The following OSBPL3 variants were observed in gnomAD, a reference collection of about 807,000 sequenced individuals.
OSBPL3 encodes oxysterol binding protein like 3.
OSBPL3 carries 65 observed loss-of-function variants against 120.1 expected under a neutral mutation model. The observed-to-expected ratio is 0.54, with a 90% CI of 0.44 to 0.67. OSBPL3 has a LOEUF of 0.67. Ranked by LOEUF, OSBPL3 falls within the 30% of genes least tolerant of loss-of-function variation. The probability of loss-of-function intolerance (pLI) is 0.00; values close to 1 mark genes in which losing one functional copy is unlikely to be tolerated. For missense variants in OSBPL3, 1,004 were observed against 1,082.1 expected (o/e 0.93, Z 1.01); for synonymous variants, 416 against 402.6 (o/e 1.03, Z -0.40).
chr7:24,865,136 C>A (rs1459714201), intron 7 of OSBPL3, among the ~76,000 whole-genome samples: 2 of 152,162 alleles, frequency 1.3e-5, no homozygotes, highest in Non-Finnish European at 2.9e-5. Flanking sequence ...GAAGAAGAAA[C>A]CTGTCTGCAT....
Position 24,830,918 on chromosome 7 carries a change from GA to G in OSBPL3, c.1747-14del. 6.3e-7 allele frequency: 1 copy of G among 1,579,784 alleles called. No individual in the cohort carries two copies. Reference sequence around the variant, plus strand: ...CTGCCACATATACCTAAGGACAAGAGAAAAGAACTTTGTCATTTCCGTGTCA... The same window carrying G: ...CTGCCACATATACCTAAGGACAAGAGAAAGAACTTTGTCATTTCCGTGTCA... On this transcript the variant is annotated splice_polypyrimidine_tract_variant and intron_variant, in intron 15 of 22. Coordinates refer to ENST00000313367, the MANE Select transcript of OSBPL3 (RefSeq NM_015550.4). This position sits in a 1 kb window ranked among gnomAD's most constrained non-coding sequence, Gnocchi z 4.4.
At chr7:24,908,596 C>G (rs1052167131) in intron 1 of OSBPL3, among the ~76,000 whole-genome samples, 1 of 152,190 alleles carries the variant, frequency 6.6e-6, no homozygotes, top group Non-Finnish European at 1.5e-5. Flanking sequence ...ACGAGAACCA[C>G]GCTAACCGTG....
At chr7:24,848,088 G>T (rs1239260416) in intron 12 of OSBPL3, among the ~76,000 whole-genome samples, 1 of 152,158 alleles carries the variant, frequency 6.6e-6, no homozygotes, top group Non-Finnish European at 1.5e-5. Context: ...GTCTCCAAAT[G>T]GGTTCGGTGC....
chr7:24,960,484 G>A lies in OSBPL3; in HGVS notation c.-150+19402C>T, dbSNP rs575264155. On this transcript the variant is annotated intron_variant, in intron 1 of 22. Transcript: ENST00000313367. Reference sequence around the variant, plus strand: ...CTGGACAACACAAAATCAATATATCGAAAACTCAATTATCTGTGCTAATGG... The same window carrying A: ...CTGGACAACACAAAATCAATATATCAAAAACTCAATTATCTGTGCTAATGG... Among the ~76,000 whole-genome samples the A allele has an allele frequency of 8.6e-5, 13 of 151,974 alleles. No individual in the cohort carries two copies. In the East Asian group the frequency reaches 9.7e-4, roughly 11 times the overall value.
intron 14 of OSBPL3, among the ~76,000 whole-genome samples, chr7:24,836,177 T>C (rs965359313): frequency 6.6e-6 from 1 of 152,228 alleles, no homozygotes; most frequent in African/African-American, 2.4e-5. Context: ...TGAATGTTGT[T>C]AGACTTCTGA....
rs1226302798 is a variant in OSBPL3, at chr7:24,979,925, G to A, written c.-189C>T. On this transcript the variant is annotated 5_prime_UTR_variant, in exon 1 of 23. Transcript: ENST00000313367. ...GCCGGAGACGCTCCCTAGTTCCCCG[G>A]GGCCGGGCTCCGGGGTTAGCGCACA... 2.0e-6 allele frequency: 2 copies of A among 985,086 alleles called. No individual in the cohort carries two copies. The highest frequency in any genetic ancestry group is 1.2e-4 in the East Asian group (1 of 8,690). 61.0% of individuals were successfully genotyped at this position (985,086 alleles called of 1,614,324 possible).
At position 24,821,111 on chromosome 7, in the gene OSBPL3, A is replaced by G. The variant is rs1391303070; in HGVS notation, c.1885-873T>C. Among the ~76,000 whole-genome samples, 1 of 152,258 alleles carries G rather than the reference A, an allele frequency of 6.6e-6. No homozygotes were observed. The highest frequency in any genetic ancestry group is 1.5e-5 in the Non-Finnish European group (1 of 68,050). Reference sequence around the variant, plus strand: ...TCTAATTCAGCACTGGTGAAACCACAGTAATGCTGCCAAGGGTGTTTCCAG... The same window carrying G: ...TCTAATTCAGCACTGGTGAAACCACGGTAATGCTGCCAAGGGTGTTTCCAG... On this transcript the variant is annotated intron_variant, in intron 16 of 22. Transcript: ENST00000313367. This position sits in a 1 kb window ranked among gnomAD's most constrained non-coding sequence, Gnocchi z 5.5.
rs148865905 is a variant in OSBPL3 at position 24,863,418 on chromosome 7, C to T, written c.777+78G>A. The T allele has an allele frequency of 3.9e-4, 545 of 1,385,226 alleles. 1 individual carries two copies. The African/African-American group carries it at 6.5e-3, about 16-fold the overall frequency. 85.8% of individuals were successfully genotyped at this position (1,385,226 alleles called of 1,614,324 possible). ...GCTGAAGCAACTGACCACAGCATCC[C>T]ACTGTTAGTGAAAGGCTGGGAGGAG... On this transcript the variant is annotated intron_variant, in intron 8 of 22. Coordinates refer to ENST00000313367, the MANE Select transcript of OSBPL3 (RefSeq NM_015550.4). This position sits in a 1 kb window ranked among gnomAD's most constrained non-coding sequence, Gnocchi z 5.8.
At position 24,972,088 on chromosome 7, in the gene OSBPL3, A is replaced by G. The variant is rs1817088135; in HGVS notation, c.-150+7798T>C. On this transcript the variant is annotated intron_variant, in intron 1 of 22. Coordinates refer to ENST00000313367, the MANE Select transcript of OSBPL3 (RefSeq NM_015550.4). The surrounding 1 kb of genome is among the most constrained non-coding windows in gnomAD (Gnocchi z 4.3). ...CAGCAAGTTATTTTAAGCTACATGC[A>G]GGGCTATGCTGGAGGACAGGTTGCT... 6.6e-6 allele frequency among the ~76,000 whole-genome samples: 1 copy of G among 152,228 alleles called. No individual in the cohort carries two copies. Among genetic ancestry groups the G allele is most frequent in the Non-Finnish European group, 1.5e-5 (1 of 68,028 alleles).
intron 17 of OSBPL3, 124 bp from the exon 18 acceptor site, chr7:24,816,812 T>C (rs1794528884): frequency 2.9e-6 from 2 of 691,378 alleles, no homozygotes; most frequent in East Asian, 5.3e-5. Context: ...TCAATTATTG[T>C]ATAGGATAAC....
chr7:24,954,497 C>T (rs1249404918), intron 1 of OSBPL3, among the ~76,000 whole-genome samples: 4 of 151,942 alleles, frequency 2.6e-5, no homozygotes, highest in African/African-American at 9.7e-5. Context: ...CTGCTGCAAA[C>T]AAAGTGTTTA....
chr7:24,807,523 C>T (rs919360179), intron 20 of OSBPL3, among the ~76,000 whole-genome samples: 1 of 136,128 alleles, frequency 7.3e-6, no homozygotes, highest in African/African-American at 2.5e-5. Context: ...ATAATAACAA[C>T]AATAAATAAA....
At chr7:24,978,886 G>C (rs747515542) in intron 1 of OSBPL3, among the ~76,000 whole-genome samples, 2 of 152,226 alleles carry the variant, frequency 1.3e-5, no homozygotes, top group Non-Finnish European at 2.9e-5. Flanking sequence ...TTGTGAGGCG[G>C]AGAAGGACAA....
In OSBPL3 at chr7:24,854,665, G is replaced by T. The variant is rs750907871; in HGVS notation, c.1028-2031C>A. ...AACAATTTAATTGAGCAAAATAATG[G>T]GCAGGACAACAGAGTAATCAACAGC... is the stretch of plus-strand genomic sequence containing the variant. On this transcript the variant is annotated intron_variant, in intron 10 of 22. Transcript: ENST00000313367. The surrounding 1 kb of genome is among the most constrained non-coding windows in gnomAD (Gnocchi z 4.1). Among the ~76,000 whole-genome samples the T allele has an allele frequency of 2.8e-4, 42 of 152,054 alleles. No individual in the cohort carries two copies. Among genetic ancestry groups the T allele is most frequent in the Non-Finnish European group, 5.9e-4 (40 of 68,008 alleles).
In OSBPL3 at chr7:24,863,513, C is replaced by G; in HGVS notation, c.760G>C (p.Ala254Pro). Residue 254 changes from alanine (A) to proline (P), a missense_variant, in exon 8 of 23, where the codon GCT becomes CCT. Physicochemically the swap from Ala to Pro is conservative, Grantham distance 27. Around this residue, in one of 4 missense-constraint regions of OSBPL3, gnomAD observed 272 missense variants for 248.8 expected, o/e 1.09. Transcript: ENST00000313367. The surrounding 1 kb of genome is among the most constrained non-coding windows in gnomAD (Gnocchi z 5.8). ...DVLHRTYSAPAINAIQGGSFE... is the reference protein window; with the variant it reads ...DVLHRTYSAPPINAIQGGSFE... ...CGGCTCACCTGGATGGCGTTGATAG[C>G]TGGTGCCGAGTATGTCCGATGCAGG... 6.2e-7 allele frequency: 1 copy of G among 1,613,686 alleles called. No individual in the cohort carries two copies. Among genetic ancestry groups the G allele is most frequent in the Non-Finnish European group, 8.5e-7 (1 of 1,179,604 alleles).
chr7:24,848,956 G>A (rs1798777051), intron 12 of OSBPL3, 113 bp downstream of exon 12: 2 of 718,878 alleles, frequency 2.8e-6, no homozygotes, highest in Non-Finnish European at 4.9e-6. Flanking sequence ...GAGGAGGGCA[G>A]AGAGGTGGAC....
At position 24,820,367 on chromosome 7, in the gene OSBPL3, T is replaced by G. The variant is rs866092386; in HGVS notation, c.1885-129A>C. ...GAACTGAAGGAAAAACTTCTTTAGT[T>G]TCCCTCATCAAGTGTGTCCTCAAGA... On this transcript the variant is annotated intron_variant, in intron 16 of 22. Coordinates refer to ENST00000313367, the MANE Select transcript of OSBPL3 (RefSeq NM_015550.4). This position sits in a 1 kb window ranked among gnomAD's most constrained non-coding sequence, Gnocchi z 4.6. The G allele has an allele frequency of 1.5e-4, 96 of 651,446 alleles. No homozygotes were observed. The Middle Eastern group carries it at 4.9e-3, about 33-fold the overall frequency. 40.4% of individuals were successfully genotyped at this position (651,446 alleles called of 1,614,324 possible).
chr7:24,892,618 A>C lies in OSBPL3; in HGVS notation c.-146T>G. The C allele has an allele frequency of 7.3e-7, 1 of 1,362,508 alleles. No individual in the cohort carries two copies. Among genetic ancestry groups the C allele is most frequent in the Non-Finnish European group, 9.5e-7 (1 of 1,052,620 alleles). 84.4% of individuals were successfully genotyped at this position (1,362,508 alleles called of 1,614,324 possible). On this transcript the variant is annotated 5_prime_UTR_variant, in exon 2 of 23. Transcript: ENST00000313367. ...TTTGGGTGGCCCAAAGGAAACCCTAAAACCTAAAAAAGAGAAATTAGAAAG... is the reference window on the plus strand; with the variant it reads ...TTTGGGTGGCCCAAAGGAAACCCTACAACCTAAAAAAGAGAAATTAGAAAG...
rs145054998 is a variant in OSBPL3 at position 24,889,154 on chromosome 7, G to A, written c.96+3223C>T. Among the ~76,000 whole-genome samples the A allele has an allele frequency of 4.9e-3, 747 of 152,224 alleles. 4 individuals carry two copies. The highest frequency in any genetic ancestry group is 0.014 in the Admixed American group (208 of 15,288). On this transcript the variant is annotated intron_variant, in intron 2 of 22. Coordinates refer to ENST00000313367, the MANE Select transcript of OSBPL3 (RefSeq NM_015550.4). ...AATGTGGTGCATATACTTATGCAGT[G>A]GACTACTATTCAGCCTTAAAAAAGA...
Sources: gnomAD v4.1 joint callset for allele counts (sites outside exome capture counted in the v4.1 genomes callset) on GRCh38, gnomAD v4.1.1 for gene constraint, gnomAD v4.1.1 regional missense constraint, Gnocchi (gnomAD v3.1) non-coding constraint, MANE v1.5 for transcripts, NCBI Gene and HGNC (gene_info 2026-07-23, HGNC 2026-07-21) for gene names.